The following TOPAZ1 variants were observed in gnomAD, a reference collection of about 807,000 sequenced individuals.
TOPAZ1 encodes testis and ovary specific TOPAZ 1, also known as protein TOPAZ1.
A neutral mutation model predicts 172.2 loss-of-function variants in TOPAZ1; 66 were observed. The observed-to-expected ratio is 0.38, with a 90% CI of 0.31 to 0.47. The LOEUF (loss-of-function observed/expected upper bound fraction) is 0.47, where lower values mean the gene tolerates loss of function less well. Among genes scored for constraint, TOPAZ1 ranks in the 20% least tolerant of loss-of-function variants. The probability of loss-of-function intolerance (pLI) is 0.99; values close to 1 mark genes in which losing one functional copy is unlikely to be tolerated. For synonymous variants in TOPAZ1, 681 were observed against 683.9 expected (o/e 1.00, Z 0.07); for missense variants, 1,822 against 1,972.4 (o/e 0.92, Z 1.44).
intron 8 of TOPAZ1, among the ~76,000 whole-genome samples, chr3:44,280,174 A>T (rs1700006735): frequency 1.3e-5 from 2 of 152,008 alleles, no homozygotes; most frequent in African/African-American, 4.8e-5. Context: ...CACACTTTAG[A>T]TACTTCATCC....
chr3:44,330,223 T>A (rs545764757), intron 19 of TOPAZ1, among the ~76,000 whole-genome samples: 3 of 152,278 alleles, frequency 2.0e-5, no homozygotes, highest in African/African-American at 7.2e-5. Flanking sequence ...CACTGTGCAC[T>A]ATGGTGGATA....
rs907070389 is a variant in TOPAZ1 at position 44,243,573 on chromosome 3, C to T, written c.1067C>T (p.Ser356Phe). 1.9e-6 allele frequency: 3 copies of T among 1,550,894 alleles called. No individual in the cohort carries two copies. Among genetic ancestry groups the T allele is most frequent in the Non-Finnish European group, 2.6e-6 (3 of 1,146,958 alleles). ...AACTTCTCTAATGAGTATAACAAGT[C>T]TGAGTTGATGTTGCAAGAAAATCAA... ...EMNFSNEYNKSELMLQENQMI... is the reference protein window; with the variant it reads ...EMNFSNEYNKFELMLQENQMI... The change falls in exon 2 of 20, where the codon TCT (serine) becomes TTT (phenylalanine). Residue 356 changes from serine (S) to phenylalanine (F), a missense_variant. Physicochemically the swap from Ser to Phe is radical, Grantham distance 155. Around this residue, in one of 2 missense-constraint regions of TOPAZ1, gnomAD observed 1,489 missense variants for 1,490.8 expected, o/e 1.00. Coordinates refer to ENST00000309765, the MANE Select transcript of TOPAZ1 (RefSeq NM_001145030.2).
At chr3:44,257,134 G>A (rs1699713307) in intron 4 of TOPAZ1, among the ~76,000 whole-genome samples, 1 of 151,902 alleles carries the variant, frequency 6.6e-6, no homozygotes, top group Non-Finnish European at 1.5e-5. Context: ...TTTGAGACCA[G>A]CTTGAGCAAC....
intron 16 of TOPAZ1, among the ~76,000 whole-genome samples, chr3:44,317,807 C>T (rs964690378): frequency 6.6e-6 from 1 of 152,128 alleles, no homozygotes; most frequent in Middle Eastern, 3.2e-3. Context: ...GTTTCTTATT[C>T]TTGGGAATTT....
At chr3:44,321,911 A>G (rs561577174) in intron 17 of TOPAZ1, among the ~76,000 whole-genome samples, 3 of 152,266 alleles carry the variant, frequency 2.0e-5, no homozygotes, top group South Asian at 2.1e-4. Context: ...CTCTTAATAT[A>G]CAATTAGTTG....
chr3:44,242,918 A>T lies in TOPAZ1; in HGVS notation c.412A>T (p.Arg138Ter). Residue 138 changes from arginine (R) to a stop codon, truncating the protein, a stop_gained, in exon 2 of 20, where the codon AGA becomes TGA. Coordinates refer to ENST00000309765, the MANE Select transcript of TOPAZ1 (RefSeq NM_001145030.2). LOFTEE classifies it high-confidence loss of function. ...DDPQPGLDLVRKESLTSSESF... is the reference protein window; with the variant it reads ...DDPQPGLDLV ...TCCACAGCCAGGGCTTGACTTGGTA[A>T]GAAAGGAATCATTAACCAGTTCGGA... The T allele has an allele frequency of 1.3e-6, 2 of 1,544,048 alleles. No homozygotes were observed. Among genetic ancestry groups the T allele is most frequent in the Non-Finnish European group, 1.7e-6 (2 of 1,145,330 alleles).
chr3:44,303,663 C>G (rs2125699300), intron 12 of TOPAZ1, among the ~76,000 whole-genome samples: 1 of 152,154 alleles, frequency 6.6e-6, no homozygotes, highest in African/African-American at 2.4e-5. Flanking sequence ...TCCTGTGGAG[C>G]AGTAAGGGTA....
intron 10 of TOPAZ1, 29 bp downstream of exon 10, chr3:44,287,569 T>G (rs919872813): frequency 1.5e-6 from 2 of 1,364,148 alleles, no homozygotes; most frequent in African/African-American, 3.0e-5. Context: ...TATGTTATTT[T>G]AATATTTTAT....
chr3:44,254,853 A>G (rs1699678037), intron 2 of TOPAZ1, 115 bp from the exon 3 acceptor site: 1 of 669,542 alleles, frequency 1.5e-6, no homozygotes, highest in Admixed American at 2.6e-5. Context: ...TCTGCCCTGG[A>G]GGACTTGAGC....
chr3:44,242,061 G>A lies in TOPAZ1; in HGVS notation c.8G>A (p.Arg3Gln), dbSNP rs771801860. ...GGGCCGGCCCCGGGGCACATGCGAC[G>A]ACCTCCACCCCTGGGCCCCACGACG... Reference protein sequence around the residue: MRRPPPLGPTTAS... With the variant: MRQPPPLGPTTAS... The change falls in exon 1 of 20, where the codon CGA (arginine) becomes CAA (glutamine). Residue 3 changes from arginine (R) to glutamine (Q), a missense_variant. This residue lies in a region of TOPAZ1 where 1,489 missense variants were observed against 1,490.8 expected (regional missense o/e 1.00). Coordinates refer to ENST00000309765, the MANE Select transcript of TOPAZ1 (RefSeq NM_001145030.2). 3 of 1,544,512 alleles carry A rather than the reference G, an allele frequency of 1.9e-6. No homozygotes were observed. The highest frequency in any genetic ancestry group is 1.2e-5 in the South Asian group (1 of 83,826).
At chr3:44,294,885 T>G (rs1476835749) in intron 12 of TOPAZ1, among the ~76,000 whole-genome samples, 2 of 152,228 alleles carry the variant, frequency 1.3e-5, no homozygotes, top group Admixed American at 1.3e-4. Context: ...AGAAAGAATT[T>G]TAACATTTAT....
Position 44,241,965 on chromosome 3 carries a change from A to C in TOPAZ1, c.-89A>C. 8.1e-7 allele frequency: 1 copy of C among 1,241,454 alleles called. No individual in the cohort carries two copies. Among genetic ancestry groups the C allele is most frequent in the Non-Finnish European group, 1.1e-6 (1 of 898,126 alleles). 76.9% of individuals were successfully genotyped at this position (1,241,454 alleles called of 1,614,324 possible). On this transcript the variant is annotated 5_prime_UTR_variant, in exon 1 of 20. Transcript: ENST00000309765. ...GGTGTGGGGTGGGTCAGAGGGCAGTAGGTACCTCCAGGCGGGAGCAGCGTT... is the reference window on the plus strand; with the variant it reads ...GGTGTGGGGTGGGTCAGAGGGCAGTCGGTACCTCCAGGCGGGAGCAGCGTT...
chr3:44,303,015 G>C (rs976234704), intron 12 of TOPAZ1, among the ~76,000 whole-genome samples: 1 of 151,864 alleles, frequency 6.6e-6, no homozygotes, highest in Non-Finnish European at 1.5e-5. Context: ...GCTAATTTTT[G>C]CAGAGGTAGG....
chr3:44,254,251 T>G (rs1399845237), intron 2 of TOPAZ1, among the ~76,000 whole-genome samples: 2 of 152,226 alleles, frequency 1.3e-5, no homozygotes, highest in African/African-American at 4.8e-5. Context: ...GTAAGTTGTC[T>G]TTAGGGACTA....
chr3:44,308,395 G>A lies in TOPAZ1; in HGVS notation c.4141-1430G>A, dbSNP rs1056451019. Among the ~76,000 whole-genome samples, 6 of 151,446 alleles carry A rather than the reference G, an allele frequency of 4.0e-5. No individual in the cohort carries two copies. The Admixed American group carries it at 4.0e-4, about 10-fold the overall frequency. The stretch of plus-strand genomic sequence containing the variant: ...ATGCGGTGTTTGGTTTTCTATCCTT[G>A]CGATAGTTTGCTCAGAATGATGGTT... On this transcript the variant is annotated intron_variant, in intron 15 of 19. Coordinates refer to ENST00000309765, the MANE Select transcript of TOPAZ1 (RefSeq NM_001145030.2).
Position 44,269,257 on chromosome 3 carries a change from A to G in TOPAZ1, c.3202A>G (p.Asn1068Asp). The change falls in exon 7 of 20, where the codon AAT becomes GAT. Residue 1068 changes from asparagine (N) to aspartate (D), a missense_variant. Physicochemically the swap from Asn to Asp is conservative, Grantham distance 23. Transcript: ENST00000309765. ...AAAACATTCTGTCCTAAAGCTGCAG[A>G]ATCCTGAAACTTGTGAAATATTCAA... ...LGKHSVLKLQNPETCEIFKRE... is the reference protein window; with the variant it reads ...LGKHSVLKLQDPETCEIFKRE... 6.4e-7 allele frequency: 1 copy of G among 1,550,558 alleles called. No homozygotes were observed. The highest frequency in any genetic ancestry group is 8.7e-7 in the Non-Finnish European group (1 of 1,146,038).
rs1395488612 is a variant in TOPAZ1, at chr3:44,267,005, C to A, written c.3029C>A (p.Ser1010Tyr). The A allele has an allele frequency of 6.5e-7, 1 of 1,538,848 alleles. No individual in the cohort carries two copies. The highest frequency in any genetic ancestry group is 2.5e-5 in the East Asian group (1 of 40,638). ...TTTTTCCTTTCACACAGCAAAGATTCTAGAAATGCAGACTTTATGGTCGGC... is the reference window on the plus strand; with the variant it reads ...TTTTTCCTTTCACACAGCAAAGATTATAGAAATGCAGACTTTATGGTCGGC... ...NIYEVCKSKD[S>Y]RNADFMVGEC... Residue 1010 changes from serine (S) to tyrosine (Y), a missense_variant, in exon 6 of 20, where the codon TCT becomes TAT. This residue lies in a region of TOPAZ1 where 1,489 missense variants were observed against 1,490.8 expected (regional missense o/e 1.00). Transcript: ENST00000309765.
intron 10 of TOPAZ1, 23 bp from the exon 11 acceptor site, chr3:44,287,724 T>C: frequency 1.6e-6 from 2 of 1,220,738 alleles, no homozygotes; most frequent in Non-Finnish European, 2.3e-6. Flanking sequence ...TGAAAATGAG[T>C]GTAATTTTTT....
chr3:44,290,936 G>A (rs1262541621), intron 12 of TOPAZ1, 50 bp downstream of exon 12: 1 of 1,238,792 alleles, frequency 8.1e-7, no homozygotes, highest in East Asian at 2.6e-5. Context: ...TCTTGGTGGG[G>A]ACTTATAAAA....
Sources: gnomAD v4.1 joint callset for allele counts (sites outside exome capture counted in the v4.1 genomes callset) on GRCh38, gnomAD v4.1.1 for gene constraint, gnomAD v4.1.1 regional missense constraint, MANE v1.5 for transcripts, NCBI Gene and HGNC (gene_info 2026-07-23, HGNC 2026-07-21) for gene names.